Variants in SLC39A11 observed in about 807,000 individuals in gnomAD.
SLC39A11 encodes the protein zinc transporter ZIP11.
Under a neutral mutation model 36.1 loss-of-function variants are expected in SLC39A11, and 33 were observed. The observed-to-expected ratio is 0.91, with a 90% confidence interval of 0.69 to 1.22. SLC39A11 has a LOEUF of 1.22. Among genes scored for constraint, SLC39A11 ranks in the 50% most tolerant of loss-of-function variants. The pLI, the probability that SLC39A11 is intolerant of heterozygous loss-of-function variation, is 0.00. For missense variants in SLC39A11, 432 were observed against 430.3 expected, an observed-to-expected ratio of 1.00 and a Z score of -0.03; for synonymous variants, 166 against 170.3, an observed-to-expected ratio of 0.97 and a Z score of 0.20.
chr17:72,715,190 C>T (rs2073299685), intron 7 of SLC39A11, among the ~76,000 whole-genome samples: 1 of 152,192 alleles, frequency 6.6e-6, no homozygotes, highest in Non-Finnish European at 1.5e-5. Flanking sequence ...GGAAGTACCC[C>T]TCTGCCCAAG....
At position 73,031,690 on chromosome 17, in the gene SLC39A11, AC is replaced by A; in HGVS notation, c.171del (p.Trp57CysfsTer42). On this transcript the variant is annotated frameshift_variant, in exon 4 of 10. Coordinates refer to ENST00000255559, the MANE Select transcript of SLC39A11 (RefSeq NM_139177.4). LOFTEE classifies it high-confidence loss of function. ...ATCTCAACTGCTGGGGCCAGAAGAG[AC>A]CAATAGGAAGCTGCCAACATGACCT... ...AAGVMLAASY[W>X]SLLAPAVEMA... The A allele has an allele frequency of 6.2e-7, 1 of 1,613,900 alleles. No individual in the cohort carries two copies.
chr17:72,729,441 ATATATATATATATATATTTT>A (rs1297149925), intron 7 of SLC39A11, among the ~76,000 whole-genome samples: 60 of 2,234 alleles, frequency 0.027, 6 homozygotes, highest in Admixed American at 0.05. Flanking sequence ...ATATATATAT[ATATATATATATATATATTTT>A]TTTTTTTTTT....
intron 4 of SLC39A11, among the ~76,000 whole-genome samples, chr17:72,955,796 T>C (rs1205217903): frequency 1.3e-5 from 2 of 152,108 alleles, no homozygotes; most frequent in African/African-American, 2.4e-5. Context: ...CATACCGATC[T>C]AGGGTAACCA....
chr17:73,070,212 C>T (rs2060120940), intron 3 of SLC39A11, among the ~76,000 whole-genome samples: 1 of 152,200 alleles, frequency 6.6e-6, no homozygotes, highest in Non-Finnish European at 1.5e-5. Flanking sequence ...TTCCCAGCTG[C>T]AGGCTGACCA....
chr17:72,798,524 C>T lies in SLC39A11; in HGVS notation c.601+51110G>A, dbSNP rs2567496. On this transcript the variant is annotated intron_variant, in intron 6 of 9. Transcript: ENST00000255559. The stretch of plus-strand genomic sequence containing the variant: ...TGCCTTCCAGGTTCATGCAATTCTC[C>T]GACCTCAGCCTCCCGAGTAGCTGGG... Among the ~76,000 whole-genome samples, 643 of 150,762 alleles carry T rather than the reference C, an allele frequency of 4.3e-3. 7 individuals carry two copies. The highest frequency in any genetic ancestry group is 0.014 in the African/African-American group (571 of 41,138).
intron 7 of SLC39A11, among the ~76,000 whole-genome samples, 198 bp downstream of exon 7, chr17:72,736,452 A>T (rs2074433748): frequency 6.6e-6 from 1 of 152,200 alleles, no homozygotes; most frequent in African/African-American, 2.4e-5. Context: ...TTAATAGCTC[A>T]GTTGAAAGAC....
At chr17:73,022,572 G>A (rs185373386) in intron 4 of SLC39A11, among the ~76,000 whole-genome samples, 27 of 124,510 alleles carry the variant, frequency 2.2e-4, no homozygotes, top group African/African-American at 8.3e-4. Flanking sequence ...TCCAGCCTGG[G>A]AGACAAGAGC....
chr17:72,691,933 C>T (rs1020416698), intron 7 of SLC39A11, among the ~76,000 whole-genome samples: 8 of 152,024 alleles, frequency 5.3e-5, no homozygotes, highest in Admixed American at 3.3e-4. Context: ...AGACAGGAAA[C>T]GGGACTCGCC....
intron 6 of SLC39A11, among the ~76,000 whole-genome samples, chr17:72,818,474 G>A (rs915817979): frequency 3.3e-5 from 5 of 152,168 alleles, no homozygotes; most frequent in Non-Finnish European, 4.4e-5. Context: ...AGGCTACCTC[G>A]CACCTTGCAG....
chr17:72,981,098 A>C (rs2088267752), intron 4 of SLC39A11, among the ~76,000 whole-genome samples: 1 of 152,202 alleles, frequency 6.6e-6, no homozygotes, highest in Admixed American at 6.5e-5. Context: ...ACCAAGGGGA[A>C]GGAAACAGGT....
rs1398918055 is a variant in SLC39A11 at position 73,084,828 on chromosome 17, T to A, written c.127A>T (p.Ser43Cys). 3 of 1,614,130 alleles carry A rather than the reference T, an allele frequency of 1.9e-6. No homozygotes were observed. The highest frequency in any genetic ancestry group is 2.5e-6 in the Non-Finnish European group (3 of 1,180,016). ...SSGQRRILDG[S>C]LGFAAGVMLA... The stretch of plus-strand genomic sequence containing the variant: ...CTTACCCCTGCAGCAAAGCCAAGAC[T>A]TCCATCTAAGATCCGCCTCTGAAAA... Residue 43 changes from serine to cysteine, a missense_variant, in exon 3 of 10, where the codon AGT (serine) becomes TGT (cysteine). Physicochemically the swap from Ser to Cys is moderately radical, Grantham distance 112 (BLOSUM62 -1). Coordinates refer to ENST00000255559, the MANE Select transcript of SLC39A11 (RefSeq NM_139177.4).
chr17:72,678,732 G>A (rs936541433), intron 7 of SLC39A11, among the ~76,000 whole-genome samples: 2 of 151,800 alleles, frequency 1.3e-5, no homozygotes, highest in African/African-American at 4.8e-5. Context: ...ATGCTCTTGG[G>A]GTAGCAATCA....
chr17:73,070,538 T>A (rs181654551), intron 3 of SLC39A11, among the ~76,000 whole-genome samples: 62 of 152,322 alleles, frequency 4.1e-4, no homozygotes, highest in African/African-American at 1.4e-3. Context: ...CACCAGCTCA[T>A]CCTTCATTAA....
intron 3 of SLC39A11, among the ~76,000 whole-genome samples, chr17:73,060,629 T>C (rs1324916226): frequency 6.6e-6 from 1 of 152,210 alleles, no homozygotes; most frequent in African/African-American, 2.4e-5. Context: ...CCTCAAAGGA[T>C]ACATCTCTCA....
chr17:72,696,156 A>C lies in SLC39A11; in HGVS notation c.671+40494T>G, dbSNP rs562126769. On this transcript the variant is annotated intron_variant, in intron 7 of 9. Coordinates refer to ENST00000255559, the MANE Select transcript of SLC39A11 (RefSeq NM_139177.4). ...GCTTGTGAAGATCTCGGAAGGAAAC[A>C]GGTGGGATTGGGAGTCATGGGGCAG... Among the ~76,000 whole-genome samples the C allele has an allele frequency of 5.2e-5, 4 of 76,764 alleles. No individual in the cohort carries two copies. The East Asian group carries it at 1.3e-3, about 26-fold the overall frequency. 50.4% of individuals were successfully genotyped at this position (76,764 alleles called of 152,430 possible).
intron 4 of SLC39A11, 145 bp from the exon 5 acceptor site, chr17:72,948,020 A>G (rs752613013): frequency 1.0e-6 from 1 of 987,388 alleles, no homozygotes; most frequent in Non-Finnish European, 1.5e-6. Context: ...CCCAGTTGCC[A>G]GGCCATGCTG....
chr17:72,937,903 C>T (rs1433640824), intron 5 of SLC39A11, among the ~76,000 whole-genome samples: 1 of 152,158 alleles, frequency 6.6e-6, no homozygotes, highest in Admixed American at 6.5e-5. Context: ...TCTCCTCTGC[C>T]ATCCTCCCGG....
intron 7 of SLC39A11, among the ~76,000 whole-genome samples, chr17:72,669,617 T>C (rs1462352449): frequency 2.6e-5 from 4 of 152,210 alleles, no homozygotes; most frequent in Admixed American, 6.5e-5. Flanking sequence ...ATCACTTGCA[T>C]AAAGTAGTTT....
intron 6 of SLC39A11, among the ~76,000 whole-genome samples, chr17:72,824,042 A>AAAC (rs1017746374): frequency 4.0e-5 from 6 of 151,286 alleles, no homozygotes; most frequent in African/African-American, 1.5e-4. Context: ...AGCACAAAAA[A>AAAC]ACATAAAATT....
Sources: gnomAD v4.1 joint callset for allele counts (sites outside exome capture counted in the v4.1 genomes callset) on GRCh38, gnomAD v4.1.1 for gene constraint, MANE v1.5 for transcripts, NCBI Gene and HGNC (gene_info 2026-07-23, HGNC 2026-07-21) for gene names.